The following OSBPL10 variants were observed in gnomAD, a reference collection of about 807,000 sequenced individuals.
OSBPL10 encodes the protein oxysterol-binding protein-related protein 10.
A neutral mutation model predicts 81.7 loss-of-function variants in OSBPL10; 49 were observed. The observed-to-expected ratio is 0.60, with a 90% CI of 0.48 to 0.76. The LOEUF is 0.76. Ranked by LOEUF, OSBPL10 falls within the 30% of genes least tolerant of loss-of-function variation. The probability of loss-of-function intolerance (pLI) is 0.00; values close to 1 mark genes in which losing one functional copy is unlikely to be tolerated. For synonymous variants in OSBPL10, 419 were observed against 383.6 expected, an observed-to-expected ratio of 1.09 and a Z score of -1.08; for missense variants, 923 against 987.8, an observed-to-expected ratio of 0.93 and a Z score of 0.88.
At chr3:31,747,487 T>TAAAAAAAAAAAAAAAAAAAAAAAAAA (rs61150758) in intron 5 of OSBPL10, among the ~76,000 whole-genome samples, 1 of 98,486 alleles carries the variant, frequency 1.0e-5, no homozygotes, top group Non-Finnish European at 2.0e-5. Flanking sequence ...AATCTTCAAA[T>TAAAAAAAAAAAAAAAAAAAAAAAAAA]AAAAAAAAAA....
chr3:31,873,364 C>T (rs970544062), intron 3 of OSBPL10, among the ~76,000 whole-genome samples: 1 of 152,044 alleles, frequency 6.6e-6, no homozygotes, highest in South Asian at 2.1e-4. Context: ...GAATAATTCC[C>T]TCCTTGTTTT....
At chr3:31,867,751 A>AAGGGAGGAAGGAAGGG (rs1701216092) in intron 3 of OSBPL10, among the ~76,000 whole-genome samples, 1 of 137,324 alleles carries the variant, frequency 7.3e-6, no homozygotes. Context: ...AAGAGAAAGG[A>AAGGGAGGAAGGAAGGG]AGGGAGGAAG....
intron 4 of OSBPL10, among the ~76,000 whole-genome samples, chr3:31,766,841 G>A (rs930828856): frequency 3.3e-5 from 5 of 152,108 alleles, no homozygotes; most frequent in Non-Finnish European, 7.4e-5. Context: ...CCTGTCAGAG[G>A]GCCTGAAAGT....
intron 1 of OSBPL10, among the ~76,000 whole-genome samples, chr3:32,073,406 T>C (rs935712594): frequency 1.3e-5 from 2 of 152,100 alleles, no homozygotes; most frequent in African/African-American, 4.8e-5. Flanking sequence ...TCTATAGTAC[T>C]CCAACTGCCA....
At chr3:31,811,531 G>A (rs1699680776) in intron 4 of OSBPL10, among the ~76,000 whole-genome samples, 1 of 152,234 alleles carries the variant, frequency 6.6e-6, no homozygotes, top group Non-Finnish European at 1.5e-5. Context: ...TGAAGTATGT[G>A]ATGGTGCATC....
At chr3:32,053,976 A>AAAAG (rs908750383) in intron 1 of OSBPL10, among the ~76,000 whole-genome samples, 1 of 152,196 alleles carries the variant, frequency 6.6e-6, no homozygotes, top group Non-Finnish European at 1.5e-5. Context: ...TCAAAAAAAC[A>AAAAG]AAAGAAAGAA....
At chr3:31,708,464 C>A (rs1320483544) in intron 6 of OSBPL10, among the ~76,000 whole-genome samples, 1 of 152,224 alleles carries the variant, frequency 6.6e-6, no homozygotes, top group African/African-American at 2.4e-5. Flanking sequence ...ATAGCCACAT[C>A]TGAAGATCCA....
rs1026249169 is a variant in OSBPL10 at position 31,663,398 on chromosome 3, G to A, written c.2250+681C>T. 3.9e-5 allele frequency: 38 copies of A among 986,430 alleles called. No individual in the cohort carries two copies. The East Asian group carries it at 1.0e-3, about 26-fold the overall frequency. 61.1% of individuals were successfully genotyped at this position (986,430 alleles called of 1,614,324 possible). On this transcript the variant is annotated intron_variant, in intron 11 of 11. Coordinates refer to ENST00000396556, the MANE Select transcript of OSBPL10 (RefSeq NM_017784.5). ...GGTTCCTGTGGGCCTGCTTTAAGAC[G>A]TGTGGCTCCTACATTTTCATAATTT... is the stretch of plus-strand genomic sequence containing the variant.
At chr3:32,015,321 A>G (rs1304788365) in intron 2 of OSBPL10, among the ~76,000 whole-genome samples, 2 of 152,188 alleles carry the variant, frequency 1.3e-5, no homozygotes, top group African/African-American at 4.8e-5. Context: ...TCTTTGACAA[A>G]CCTGACAATA....
Position 31,754,598 on chromosome 3 carries a change from T to C in OSBPL10, c.730-6478A>G, listed in dbSNP as rs574855783. Reference sequence around the variant, plus strand: ...ACAGGCGGCAGGATCTCAAAAACAGTGACCACTAGGTCGTCAATGAGCTTA... The same window carrying C: ...ACAGGCGGCAGGATCTCAAAAACAGCGACCACTAGGTCGTCAATGAGCTTA... On this transcript the variant is annotated intron_variant, in intron 4 of 11. Coordinates refer to ENST00000396556, the MANE Select transcript of OSBPL10 (RefSeq NM_017784.5). 2.8e-4 allele frequency among the ~76,000 whole-genome samples: 42 copies of C among 152,244 alleles called. No individual in the cohort carries two copies. The South Asian group carries it at 8.1e-3, about 29-fold the overall frequency.
chr3:31,890,552 C>T (rs1695865229), intron 1 of OSBPL10, among the ~76,000 whole-genome samples: 1 of 152,058 alleles, frequency 6.6e-6, no homozygotes, highest in Non-Finnish European at 1.5e-5. Flanking sequence ...GAGGCTGCTG[C>T]TTTGGAGACC....
chr3:31,982,061 C>T (rs750555495), upstream of OSBPL10, among the ~76,000 whole-genome samples: 12 of 152,120 alleles, frequency 7.9e-5, no homozygotes, highest in Non-Finnish European at 1.5e-4. Context: ...AATCCCCTGC[C>T]CTGAATGGCA....
At chr3:31,899,845 A>G (rs1696180555) in intron 1 of OSBPL10, among the ~76,000 whole-genome samples, 2 of 152,132 alleles carry the variant, frequency 1.3e-5, no homozygotes, top group Admixed American at 1.3e-4. Context: ...TTAGCTGAGT[A>G]TGATGGCACA....
At chr3:31,757,791 T>C (rs1284121114) in intron 4 of OSBPL10, among the ~76,000 whole-genome samples, 1 of 152,230 alleles carries the variant, frequency 6.6e-6, no homozygotes. Context: ...TTTTCAGAAT[T>C]GTGTAACAGA....
At chr3:31,779,696 A>G (rs954973369) in intron 4 of OSBPL10, among the ~76,000 whole-genome samples, 1 of 152,216 alleles carries the variant, frequency 6.6e-6, no homozygotes, top group African/African-American at 2.4e-5. Context: ...ACCCTAGAAC[A>G]AATGGACTTA....
At chr3:31,939,135 TCTCTC>T (rs1697464178) in intron 1 of OSBPL10, among the ~76,000 whole-genome samples, 1 of 135,482 alleles carries the variant, frequency 7.4e-6, no homozygotes, top group Non-Finnish European at 1.5e-5. Context: ...GTGCCAAGAC[TCTCTC>T]ATCCTTTTTT....
intron 6 of OSBPL10, among the ~76,000 whole-genome samples, chr3:31,713,450 G>A (rs375878009): frequency 6.6e-6 from 1 of 152,018 alleles, no homozygotes; most frequent in Non-Finnish European, 1.5e-5. Context: ...AGGCTGGAGT[G>A]CAGCGGTGTG....
At chr3:31,829,394 C>T (rs1254955027) in intron 4 of OSBPL10, among the ~76,000 whole-genome samples, 4 of 152,198 alleles carry the variant, frequency 2.6e-5, no homozygotes, top group African/African-American at 9.7e-5. Flanking sequence ...TAAACATAAC[C>T]TCGCCTCACT....
In OSBPL10 at chr3:31,775,606, A is replaced by G. The variant is rs535995322; in HGVS notation, c.730-27486T>C. Among the ~76,000 whole-genome samples the G allele has an allele frequency of 8.0e-4, 122 of 152,282 alleles. 1 individual carries two copies. The highest frequency in any genetic ancestry group is 2.3e-3 in the African/African-American group (94 of 41,568). ...CATCTATGTGGATGCTGAAATCACC[A>G]AAATTATGATAGGGCACTGCTGGAG... is the stretch of plus-strand genomic sequence containing the variant. On this transcript the variant is annotated intron_variant, in intron 4 of 11. Transcript: ENST00000396556.
Sources: allele counts gnomAD v4.1 joint callset (sites outside exome capture counted in the v4.1 genomes callset), GRCh38; gene constraint gnomAD v4.1.1; transcripts MANE v1.5; gene names NCBI Gene and HGNC (gene_info 2026-07-23, HGNC 2026-07-21).